The following SYNE2 variants were observed in gnomAD, a reference collection of about 807,000 sequenced individuals.
The protein encoded by SYNE2 is nesprin-2.
Under a neutral mutation model 856.3 loss-of-function variants are expected in SYNE2, and 431 were observed. That is an observed-to-expected ratio of 0.50 (90% CI 0.47 to 0.55). The LOEUF is 0.55. SYNE2 is among the 20% of genes least tolerant of loss of function. The probability of loss-of-function intolerance (pLI) is 0.00; values close to 1 mark genes in which losing one functional copy is unlikely to be tolerated. For synonymous variants in SYNE2, 2,923 were observed against 2,872.3 expected, an observed-to-expected ratio of 1.02 and a Z score of -0.56; for missense variants, 8,129 against 8,023.2, an observed-to-expected ratio of 1.01 and a Z score of -0.50.
At chr14:63,836,872 C>A (rs1349503621) in intron 1 of SYNE2, among the ~76,000 whole-genome samples, 1 of 152,156 alleles carries the variant, frequency 6.6e-6, no homozygotes, top group Non-Finnish European at 1.5e-5. Flanking sequence ...GAACAAAAGC[C>A]AGGGTTGTTA....
chr14:64,008,862 G>C (rs916106210), intron 31 of SYNE2, among the ~76,000 whole-genome samples: 3 of 152,196 alleles, frequency 2.0e-5, no homozygotes, highest in African/African-American at 7.2e-5. Context: ...CATCTCCCCA[G>C]CTTTCTCCTA....
intron 2 of SYNE2, among the ~76,000 whole-genome samples, chr14:63,922,540 C>A (rs1041569249): frequency 6.6e-6 from 1 of 152,066 alleles, no homozygotes; most frequent in Non-Finnish European, 1.5e-5. Context: ...CAGTGGCTCA[C>A]GTGTATAATC....
At chr14:64,133,924 G>A (rs2098054980) in intron 77 of SYNE2, 145 bp from the exon 78 acceptor site, 1 of 855,038 alleles carries the variant, frequency 1.2e-6, no homozygotes, top group East Asian at 2.6e-5. Flanking sequence ...ACCAGGGTGG[G>A]GTTACGTCTC....
intron 64 of SYNE2, among the ~76,000 whole-genome samples, chr14:64,106,168 A>G (rs1333810091): frequency 7.5e-6 from 1 of 133,864 alleles, no homozygotes; most frequent in South Asian, 2.8e-4. Context: ...CTGATTTTTG[A>G]TATTGTCAGT....
At chr14:64,037,889 G>C (rs1268973011) in intron 45 of SYNE2, among the ~76,000 whole-genome samples, 1 of 150,896 alleles carries the variant, frequency 6.6e-6, no homozygotes, top group Admixed American at 6.6e-5. Context: ...GCCGGGCGGG[G>C]GGCTGACCCC....
rs141123749 is a variant in SYNE2, at chr14:64,022,672, C to G, written c.5525-79C>G. On this transcript the variant is annotated intron_variant, in intron 37 of 115. Transcript: ENST00000555002. ...CGATGTATATCTATGGCATGGGAAA[C>G]AAGTTTCAAAATCTCTCACTTTAAC... 1.7e-4 allele frequency: 134 copies of G among 810,774 alleles called. No homozygotes were observed. The African/African-American group carries it at 1.9e-3, about 11-fold the overall frequency. The allele number at this position is 810,774 out of a possible 1,614,324, so 50.2% of individuals were successfully genotyped here.
At chr14:63,949,545 A>G (rs1410246018) in intron 6 of SYNE2, among the ~76,000 whole-genome samples, 1 of 152,200 alleles carries the variant, frequency 6.6e-6, no homozygotes, top group Non-Finnish European at 1.5e-5. Flanking sequence ...GAAGTGCTCC[A>G]TAAGCACTTC....
At chr14:64,216,173 G>A (rs959309205) in intron 107 of SYNE2, 75 bp from the exon 108 acceptor site, 2 of 1,607,294 alleles carry the variant, frequency 1.2e-6, no homozygotes, top group African/African-American at 2.7e-5. Flanking sequence ...TTTTCATACT[G>A]TAACCTGATG....
intron 64 of SYNE2, among the ~76,000 whole-genome samples, chr14:64,102,837 A>G (rs1352108723): frequency 6.6e-6 from 1 of 152,074 alleles, no homozygotes; most frequent in East Asian, 1.9e-4. Flanking sequence ...GGTAACCACC[A>G]TCCTATTCTC....
At chr14:64,162,948 A>G (rs1334788524) in intron 88 of SYNE2, 2 of 183,340 alleles carry the variant, frequency 1.1e-5, no homozygotes, top group South Asian at 1.1e-4. Flanking sequence ...TTTTATGTAC[A>G]CAATATTTCC....
chr14:64,224,339 A>G (rs927894652), intron 113 of SYNE2, 122 bp from the exon 114 acceptor site: 6 of 954,516 alleles, frequency 6.3e-6, no homozygotes, highest in African/African-American at 4.8e-5. Flanking sequence ...TGACACAGTG[A>G]GACTGTCTAA....
In SYNE2 at chr14:63,977,812, T is replaced by G. The variant is rs112671390; in HGVS notation, c.1294-93T>G. ...TGGGGAGGGTTTTATGATTTTTTTT[T>G]GAAAAAAGATGTAATGCAAGTGAGA... On this transcript the variant is annotated intron_variant, in intron 12 of 115. Transcript: ENST00000555002. The G allele has an allele frequency of 8.2e-4, 730 of 894,212 alleles. 1 individual carries two copies. Among genetic ancestry groups the G allele is most frequent in the Middle Eastern group, 5.0e-3 (18 of 3,636 alleles). 55.4% of individuals were successfully genotyped at this position (894,212 alleles called of 1,614,324 possible).
chr14:64,209,766 G>GT (rs1186672904), intron 102 of SYNE2, 176 bp from the exon 103 acceptor site: 1 of 1,126,892 alleles, frequency 8.9e-7, no homozygotes, highest in Non-Finnish European at 1.3e-6. Flanking sequence ...CAGCTGCTAT[G>GT]TAATGAACTT....
At chr14:63,885,225 A>AAG (rs2094955498) in intron 1 of SYNE2, among the ~76,000 whole-genome samples, 1 of 152,090 alleles carries the variant, frequency 6.6e-6, no homozygotes, top group Admixed American at 6.6e-5. Flanking sequence ...TCCAGAGCTC[A>AAG]CCATGGGGTT....
chr14:63,785,468 CA>C (rs1887485022), intron 1 of SYNE2, among the ~76,000 whole-genome samples: 1 of 151,698 alleles, frequency 6.6e-6, no homozygotes, highest in Non-Finnish European at 1.5e-5. Context: ...AAAAACAAAA[CA>C]AAACAAACAA....
chr14:63,999,179 C>A, intron 27 of SYNE2, 139 bp downstream of exon 27: 1 of 860,278 alleles, frequency 1.2e-6, no homozygotes, highest in Non-Finnish European at 1.8e-6. Context: ...GATTGCATTT[C>A]TAGTGTCACC....
chr14:63,781,743 C>T (rs1457185156), intron 1 of SYNE2, among the ~76,000 whole-genome samples: 1 of 152,036 alleles, frequency 6.6e-6, no homozygotes, highest in Non-Finnish European at 1.5e-5. Context: ...AACAATGACA[C>T]ACCAATAGCA....
chr14:63,844,268 G>C (rs947298537), intron 1 of SYNE2, among the ~76,000 whole-genome samples: 1 of 152,156 alleles, frequency 6.6e-6, no homozygotes, highest in Non-Finnish European at 1.5e-5. Context: ...TATACTTGGA[G>C]TCATACAGTA....
chr14:64,194,921 C>G (rs894420597), intron 99 of SYNE2, among the ~76,000 whole-genome samples: 1 of 152,130 alleles, frequency 6.6e-6, no homozygotes. Flanking sequence ...TTTTAAAAAC[C>G]CAGTAGTTGA....
Sources: allele counts gnomAD v4.1 joint callset (sites outside exome capture counted in the v4.1 genomes callset), GRCh38; gene constraint gnomAD v4.1.1; transcripts MANE v1.5; gene names NCBI Gene and HGNC (gene_info 2026-07-23, HGNC 2026-07-21).